Variants in NCAPD3 observed in about 807,000 individuals in gnomAD.
The protein encoded by NCAPD3 is condensin-2 complex subunit D3.
Under a neutral mutation model 182.9 loss-of-function variants are expected in NCAPD3, and 105 were observed. The observed-to-expected ratio is 0.57, with a 90% CI of 0.49 to 0.68. The LOEUF (loss-of-function observed/expected upper bound fraction) is 0.68, where lower values mean the gene tolerates loss of function less well. NCAPD3 is among the 30% of genes least tolerant of loss of function. NCAPD3 has a pLI of 0.00. For synonymous variants in NCAPD3, 815 were observed against 679.9 expected, an observed-to-expected ratio of 1.20 and a Z score of -3.09; for missense variants, 1,944 against 1,837.0, an observed-to-expected ratio of 1.06 and a Z score of -1.07.
chr11:134,218,707 T>C (rs1225562532), intron 2 of NCAPD3, among the ~76,000 whole-genome samples: 5 of 152,186 alleles, frequency 3.3e-5, no homozygotes, highest in South Asian at 2.1e-4. Flanking sequence ...GGCTTCCTAG[T>C]TCACAAGGCC....
At chr11:134,162,562 C>T (rs1364411932) in intron 27 of NCAPD3, among the ~76,000 whole-genome samples, 6 of 152,200 alleles carry the variant, frequency 3.9e-5, no homozygotes, top group African/African-American at 1.4e-4. Flanking sequence ...CTACTCTTTT[C>T]CTTCTCATTT....
At chr11:134,179,493 T>TA (rs1396502441) in intron 20 of NCAPD3, among the ~76,000 whole-genome samples, 2 of 152,238 alleles carry the variant, frequency 1.3e-5, no homozygotes, top group African/African-American at 4.8e-5. Context: ...CGTCATAACT[T>TA]ACTGCACTAT....
chr11:134,167,049 TCA>T (rs1386919204), intron 27 of NCAPD3, among the ~76,000 whole-genome samples: 1 of 97,012 alleles, frequency 1.0e-5, no homozygotes, highest in Non-Finnish European at 1.9e-5. Flanking sequence ...AGCTGCACAC[TCA>T]CTAGTGAGAT....
intron 5 of NCAPD3, 52 bp downstream of exon 5, chr11:134,209,261 C>T: frequency 6.2e-7 from 1 of 1,603,682 alleles, no homozygotes; most frequent in Non-Finnish European, 8.5e-7. Context: ...CAGGTATTAG[C>T]CATAGTCTAA....
In NCAPD3 at chr11:134,152,377, A is replaced by AAATT. The variant is rs1943268296; in HGVS notation, c.*563_*566dup. 1 of 152,250 alleles carries AAATT rather than the reference A, an allele frequency of 6.6e-6. No homozygotes were observed. Among genetic ancestry groups the AAATT allele is most frequent in the African/African-American group, 2.4e-5 (1 of 41,470 alleles). The allele number at this position is 152,250 out of a possible 1,614,324, so 9.4% of individuals were successfully genotyped here. A position where few individuals can be genotyped will look rare whatever the true frequency, so the allele number is the denominator to read the frequency against. ...CTAACAAACAAACATGCTTTATGTA[A>AAATT]AATTAAAATGATTACCAATAAGAGC... On this transcript the variant is annotated 3_prime_UTR_variant, in exon 35 of 35. Coordinates refer to ENST00000534548, the MANE Select transcript of NCAPD3 (RefSeq NM_015261.3).
upstream of NCAPD3, chr11:134,225,193 G>C: frequency 6.2e-7 from 1 of 1,614,180 alleles, no homozygotes; most frequent in African/African-American, 1.3e-5. Context: ...AGTAGGAAGC[G>C]GGCCGAGCAC....
intron 16 of NCAPD3, among the ~76,000 whole-genome samples, chr11:134,190,998 T>C (rs181492439): frequency 1.3e-5 from 2 of 152,354 alleles, no homozygotes; most frequent in African/African-American, 4.8e-5. Flanking sequence ...TTGAATAATT[T>C]TCTCCTAGTT....
chr11:134,185,504 G>GA lies in NCAPD3; in HGVS notation c.2067dup (p.His690SerfsTer82). 6.3e-7 allele frequency: 1 copy of GA among 1,598,960 alleles called. No individual in the cohort carries two copies. Among genetic ancestry groups the GA allele is most frequent in the Non-Finnish European group, 8.5e-7 (1 of 1,174,118 alleles). On this transcript the variant is annotated frameshift_variant, in exon 17 of 35. Coordinates refer to ENST00000534548, the MANE Select transcript of NCAPD3 (RefSeq NM_015261.3). LOFTEE classifies it high-confidence loss of function. ...AATTTTTCTTTCTTGGACCAGATAT[G>GA]AAAAGCCTTATTTAAATATCGGCTG...
intron 19 of NCAPD3, chr11:134,182,864 G>A (rs1285518221): frequency 3.6e-6 from 1 of 277,686 alleles, no homozygotes; most frequent in African/African-American, 2.3e-5. Flanking sequence ...CGGGTCACAT[G>A]GATTGAAAAT....
chr11:134,210,189 C>A, intron 4 of NCAPD3, 81 bp downstream of exon 4: 2 of 1,268,804 alleles, frequency 1.6e-6, no homozygotes, highest in Non-Finnish European at 1.1e-6. Flanking sequence ...ATGCCTGAAA[C>A]CATGTTTAGT....
At position 134,151,002 on chromosome 11, in the gene NCAPD3, G is replaced by C. The variant is rs1390161187; in HGVS notation, c.*1942C>G. The C allele has an allele frequency of 1.3e-5, 2 of 152,254 alleles. No homozygotes were observed. Among genetic ancestry groups the C allele is most frequent in the Admixed American group, 6.5e-5 (1 of 15,292 alleles). The allele number at this position is 152,254 out of a possible 1,614,324, so 9.4% of individuals were successfully genotyped here. On this transcript the variant is annotated 3_prime_UTR_variant, in exon 35 of 35. Transcript: ENST00000534548. ...GGGGGGACATTAGCAACATCACTCA[G>C]AAGCCTGTGTTCTTCAAGAGCAGGT...
At chr11:134,165,412 C>T (rs1188985556) in intron 27 of NCAPD3, among the ~76,000 whole-genome samples, 1 of 146,126 alleles carries the variant, frequency 6.8e-6, no homozygotes, top group Non-Finnish European at 1.5e-5. Context: ...CTGAGATGAG[C>T]TTAGGGGAAG....
rs1354971997 is a variant in NCAPD3, at chr11:134,152,455, C to A, written c.*489G>T. The A allele has an allele frequency of 1.3e-5, 2 of 152,268 alleles. No individual in the cohort carries two copies. Among genetic ancestry groups the A allele is most frequent in the Admixed American group, 6.5e-5 (1 of 15,288 alleles). The allele number at this position is 152,268 out of a possible 1,614,324, so 9.4% of individuals were successfully genotyped here. On this transcript the variant is annotated 3_prime_UTR_variant, in exon 35 of 35. Coordinates refer to ENST00000534548, the MANE Select transcript of NCAPD3 (RefSeq NM_015261.3). ...TGACTACTGGAAGGCTGTATTTATG[C>A]TAAACCTTTATTACTTTTAGAAAGC...
At chr11:134,206,339 A>G (rs868749128) in intron 8 of NCAPD3, among the ~76,000 whole-genome samples, 6 of 152,234 alleles carry the variant, frequency 3.9e-5, no homozygotes, top group Non-Finnish European at 7.3e-5. Flanking sequence ...GCTGACCCAC[A>G]TATTGAGCGC....
intron 27 of NCAPD3, among the ~76,000 whole-genome samples, chr11:134,167,144 G>C (rs76479614): frequency 3.5e-4 from 27 of 76,314 alleles, no homozygotes; most frequent in Non-Finnish European, 3.8e-4. Flanking sequence ...TTGGGGGAGG[G>C]GCACACTCAC....
intron 16 of NCAPD3, among the ~76,000 whole-genome samples, chr11:134,188,194 G>A (rs1944451043): frequency 6.6e-6 from 1 of 152,042 alleles, no homozygotes; most frequent in African/African-American, 2.4e-5. Flanking sequence ...GATTATAAAT[G>A]CACCAATTAG....
At chr11:134,224,078 C>T (rs949202909), upstream of NCAPD3, 6 of 925,088 alleles carry the variant, frequency 6.5e-6, no homozygotes, top group Non-Finnish European at 9.8e-6. Context: ...CTCAACCAAT[C>T]ACCGGCGTCG....
Position 134,169,047 on chromosome 11 carries a change from C to T in NCAPD3, c.3109G>A (p.Glu1037Lys). ...DSHPDIASFG[E>K]FCLAHLLLKR... ...AGTAACAGGTGAGCCAGGCAAAACT[C>T]CCCGAAGCTGCAAAGGTGAGAGAAA... The change falls in exon 25 of 35, where the codon GAG becomes AAG. Residue 1037 changes from glutamate (E) to lysine (K), a missense_variant. Transcript: ENST00000534548. 1 of 1,613,466 alleles carries T rather than the reference C, an allele frequency of 6.2e-7. No individual in the cohort carries two copies. Among genetic ancestry groups the T allele is most frequent in the South Asian group, 1.1e-5 (1 of 90,940 alleles).
intron 3 of NCAPD3, among the ~76,000 whole-genome samples, chr11:134,214,357 G>A (rs1433714147): frequency 9.9e-5 from 15 of 152,086 alleles, no homozygotes; most frequent in Admixed American, 8.5e-4. Flanking sequence ...AAATCACTTT[G>A]GCCTGCACAA....
Sources: gnomAD v4.1 joint callset for allele counts (sites outside exome capture counted in the v4.1 genomes callset) on GRCh38, gnomAD v4.1.1 for gene constraint, MANE v1.5 for transcripts, NCBI Gene and HGNC (gene_info 2026-07-23, HGNC 2026-07-21) for gene names.